Variants in PARP4 observed in about 807,000 individuals in gnomAD.
PARP4 encodes protein mono-ADP-ribosyltransferase PARP4.
In PARP4, 120 loss-of-function variants were observed where a neutral mutation model predicts 187.7. That is an observed-to-expected ratio of 0.64 (90% CI 0.55 to 0.74). PARP4 has a LOEUF of 0.74. PARP4 is among the 30% of genes least tolerant of loss of function. The pLI, the probability that PARP4 is intolerant of heterozygous loss-of-function variation, is 0.00. For missense variants in PARP4, 1,836 were observed against 2,070.5 expected, an observed-to-expected ratio of 0.89 and a Z score of 2.20; for synonymous variants, 654 against 740.9, an observed-to-expected ratio of 0.88 and a Z score of 1.90.
intron 28 of PARP4, 45 bp downstream of exon 28, chr13:24,443,605 G>T (rs1170589089): frequency 1.5e-6 from 2 of 1,336,448 alleles, no homozygotes; most frequent in African/African-American, 1.4e-5. Context: ...ATGTAAGAAT[G>T]CTCAAGAAGA....
intron 25 of PARP4, among the ~76,000 whole-genome samples, chr13:24,448,934 A>C (rs1475599411): frequency 1.3e-5 from 2 of 152,244 alleles, no homozygotes; most frequent in Non-Finnish European, 2.9e-5. Flanking sequence ...ATAAAGACAG[A>C]AAGTAGAGTC....
chr13:24,463,162 G>A (rs1170636076), intron 17 of PARP4, among the ~76,000 whole-genome samples: 3 of 152,036 alleles, frequency 2.0e-5, no homozygotes, highest in Non-Finnish European at 2.9e-5. Flanking sequence ...ACATATAGAT[G>A]AACAACACAA....
At position 24,446,973 on chromosome 13, in the gene PARP4, A is replaced by G. The variant is rs539601931; in HGVS notation, c.3285+43T>C. 8 of 1,538,028 alleles carry G rather than the reference A, an allele frequency of 5.2e-6. No homozygotes were observed. In the East Asian group the frequency reaches 1.1e-4, roughly 22 times the overall value. The stretch of plus-strand genomic sequence containing the variant: ...AAGACAGAAAAAAAATTAGCAAAAT[A>G]TATTGGTCTTCCCATAGAATAACAA... On this transcript the variant is annotated intron_variant, in intron 26 of 33. Transcript: ENST00000381989.
intron 3 of PARP4, among the ~76,000 whole-genome samples, chr13:24,501,336 T>G (rs1208297019): frequency 6.6e-6 from 1 of 152,238 alleles, no homozygotes; most frequent in African/African-American, 2.4e-5. Flanking sequence ...TAGTAATCAC[T>G]GTTTAACACA....
At chr13:24,507,158 C>CGCACA (rs1249159756) in intron 1 of PARP4, among the ~76,000 whole-genome samples, 3 of 152,220 alleles carry the variant, frequency 2.0e-5, no homozygotes, top group Non-Finnish European at 2.9e-5. Context: ...GCAAGCGCCG[C>CGCACA]GCACAGCCCC....
chr13:24,477,013 G>A (rs1566010003), intron 14 of PARP4, among the ~76,000 whole-genome samples: 2 of 152,154 alleles, frequency 1.3e-5, no homozygotes, highest in South Asian at 2.1e-4. Flanking sequence ...GCTCTACAGC[G>A]GCTCTGCTGT....
chr13:24,480,527 T>TA (rs1360532732), intron 12 of PARP4, among the ~76,000 whole-genome samples: 1 of 152,182 alleles, frequency 6.6e-6, no homozygotes, highest in Non-Finnish European at 1.5e-5. Flanking sequence ...GTGGTGAATG[T>TA]AAAGAAACAA....
intron 27 of PARP4, among the ~76,000 whole-genome samples, chr13:24,445,921 GAATT>G (rs1389271578): frequency 6.6e-6 from 1 of 152,132 alleles, no homozygotes; most frequent in Non-Finnish European, 1.5e-5. Flanking sequence ...TGTCAGAATT[GAATT>G]AAATTGTAGG....
intron 12 of PARP4, among the ~76,000 whole-genome samples, chr13:24,479,139 A>G (rs1235759457): frequency 6.6e-6 from 1 of 152,214 alleles, no homozygotes; most frequent in Non-Finnish European, 1.5e-5. Flanking sequence ...TCTTGCTATT[A>G]GGAGCACAGA....
chr13:24,500,737 T>A (rs550874839), intron 3 of PARP4, among the ~76,000 whole-genome samples: 1 of 152,340 alleles, frequency 6.6e-6, no homozygotes, highest in Non-Finnish European at 1.5e-5. Context: ...GAGCTGGAGA[T>A]GTTCTAGCTT....
At position 24,435,379 on chromosome 13, in the gene PARP4, C is replaced by T; in HGVS notation, c.3762G>A (p.Gln1254=). 1.2e-6 allele frequency: 2 copies of T among 1,612,490 alleles called. No homozygotes were observed. The highest frequency in any genetic ancestry group is 1.7e-6 in the Non-Finnish European group (2 of 1,179,914). ...CTTCAAAATCTTCAGAAACTTCTGG[C>T]TGAGATAATTCCATTTTTCTTTTGG... ...PFSKRKMELS[Q]PEVSEDFEED... Residue 1254 remains glutamine, a synonymous_variant, in exon 31 of 34, where the codon CAG becomes CAA. Transcript: ENST00000381989.
chr13:24,500,997 T>C (rs1362418992), intron 3 of PARP4, among the ~76,000 whole-genome samples: 2 of 152,246 alleles, frequency 1.3e-5, no homozygotes, highest in Non-Finnish European at 2.9e-5. Flanking sequence ...ATTTTATTTC[T>C]GTTGTAACTA....
At chr13:24,460,179 A>T in intron 17 of PARP4, 43 bp from the exon 18 acceptor site, 1 of 1,551,742 alleles carries the variant, frequency 6.4e-7, no homozygotes, top group Non-Finnish European at 8.8e-7. Context: ...TTGAAAGCAT[A>T]CCCATTATAT....
chr13:24,474,326 C>G (rs1872872515), intron 15 of PARP4, among the ~76,000 whole-genome samples: 1 of 140,952 alleles, frequency 7.1e-6, no homozygotes, highest in Non-Finnish European at 1.6e-5. Flanking sequence ...ATCGTCTCCT[C>G]TATGTGATGT....
At chr13:24,507,071 G>A (rs369346820) in intron 1 of PARP4, among the ~76,000 whole-genome samples, 3 of 149,060 alleles carry the variant, frequency 2.0e-5, no homozygotes, top group Non-Finnish European at 2.9e-5. Context: ...CTCACTGTCC[G>A]GGGCCGGCGG....
At chr13:24,425,605 C>CTATCTATATATATATA (rs1555231643) in intron 33 of PARP4, among the ~76,000 whole-genome samples, 2 of 146,916 alleles carry the variant, frequency 1.4e-5, no homozygotes, top group African/African-American at 5.1e-5. Context: ...ATATCTATAT[C>CTATCTATATATATATA]TATATATCTC....
In PARP4 at chr13:24,501,853, A is replaced by C. The variant is rs1468883948; in HGVS notation, c.133-19T>G. On this transcript the variant is annotated intron_variant, in intron 2 of 33. Transcript: ENST00000381989. ...GTGTGCACTAAGGAAAAAAAGAGTCAATCCATTATGCATCAAGAAAAACAA... is the reference window on the plus strand; with the variant it reads ...GTGTGCACTAAGGAAAAAAAGAGTCCATCCATTATGCATCAAGAAAAACAA... The C allele has an allele frequency of 7.2e-7, 1 of 1,388,194 alleles. No individual in the cohort carries two copies. The highest frequency in any genetic ancestry group is 1.0e-6 in the Non-Finnish European group (1 of 980,088). 86.0% of individuals were successfully genotyped at this position (1,388,194 alleles called of 1,614,324 possible).
intron 10 of PARP4, among the ~76,000 whole-genome samples, chr13:24,488,762 C>A (rs187447903): frequency 6.6e-6 from 1 of 152,184 alleles, no homozygotes; most frequent in Non-Finnish European, 1.5e-5. Context: ...GTAATCACCA[C>A]CTCTAGTTCC....
At position 24,505,013 on chromosome 13, in the gene PARP4, T is replaced by C. The variant is rs889175475; in HGVS notation, c.-1-1236A>G. The stretch of plus-strand genomic sequence containing the variant: ...CCTGGCACACCCCCGCTTTTTTTTT[T>C]TTTTTTTTGAGTCAGGGTCTCACTC... On this transcript the variant is annotated intron_variant, in intron 1 of 33. Transcript: ENST00000381989. Among the ~76,000 whole-genome samples the C allele has an allele frequency of 4.0e-5, 6 of 150,700 alleles. No individual in the cohort carries two copies. The South Asian group carries it at 1.1e-3, about 27-fold the overall frequency.
Sources: allele counts gnomAD v4.1 joint callset (sites outside exome capture counted in the v4.1 genomes callset), GRCh38; gene constraint gnomAD v4.1.1; transcripts MANE v1.5; gene names NCBI Gene and HGNC (gene_info 2026-07-23, HGNC 2026-07-21).